GLRB: variants seen among roughly 807,000 people sequenced by gnomAD.
GLRB encodes the protein glycine receptor subunit beta.
In GLRB, 33 loss-of-function variants were observed where a neutral mutation model predicts 54.2. The observed-to-expected ratio is 0.61, with a 90% CI of 0.46 to 0.81. GLRB has a LOEUF of 0.81. Ranked by LOEUF, GLRB falls within the 40% of genes least tolerant of loss-of-function variation. GLRB has a pLI of 0.00. For synonymous variants in GLRB, 209 were observed against 208.2 expected (o/e 1.00, Z -0.03); for missense variants, 572 against 584.6 (o/e 0.98, Z 0.22).
Position 157,146,236 on chromosome 4 carries a change from C to T in GLRB, c.904+2277C>T, listed in dbSNP as rs569515658. 3.9e-5 allele frequency among the ~76,000 whole-genome samples: 6 copies of T among 151,984 alleles called. No homozygotes were observed. In the East Asian group the frequency reaches 7.8e-4, roughly 20 times the overall value. On this transcript the variant is annotated intron_variant, in intron 8 of 9. Transcript: ENST00000264428. ...TTCACCATGTCAGCCAGGCTGATAT[C>T]GAACTGCTGACCCCGTGATCTGCCC...
At chr4:157,143,468 T>C (rs1025942288) in intron 7 of GLRB, among the ~76,000 whole-genome samples, 2 of 152,026 alleles carry the variant, frequency 1.3e-5, no homozygotes, top group Non-Finnish European at 2.9e-5. Flanking sequence ...TTTAGATCAT[T>C]GCCCTGAGAG....
chr4:157,104,117 C>T (rs1399269841), intron 2 of GLRB, among the ~76,000 whole-genome samples: 1 of 151,968 alleles, frequency 6.6e-6, no homozygotes, highest in Non-Finnish European at 1.5e-5. Flanking sequence ...GAATGGGCAT[C>T]CTTGTCTTAT....
chr4:157,085,787 G>A (rs1734389342), intron 2 of GLRB, among the ~76,000 whole-genome samples: 1 of 151,454 alleles, frequency 6.6e-6, no homozygotes, highest in South Asian at 2.1e-4. Context: ...GTGAGCCACC[G>A]TGCCTGGCCT....
intron 2 of GLRB, among the ~76,000 whole-genome samples, chr4:157,088,509 T>G (rs1037983903): frequency 6.6e-6 from 1 of 152,132 alleles, no homozygotes; most frequent in African/African-American, 2.4e-5. Context: ...GGCTCTAAAT[T>G]TCTCTCTCCA....
At chr4:157,086,554 C>A (rs147927377) in intron 2 of GLRB, among the ~76,000 whole-genome samples, 1 of 151,962 alleles carries the variant, frequency 6.6e-6, no homozygotes, top group Non-Finnish European at 1.5e-5. Flanking sequence ...TTGTGTTGTT[C>A]GATTAATTCT....
At chr4:157,086,869 A>C (rs987911471) in intron 2 of GLRB, among the ~76,000 whole-genome samples, 2 of 152,172 alleles carry the variant, frequency 1.3e-5, no homozygotes, top group Non-Finnish European at 2.9e-5. Context: ...TCATGGGCCT[A>C]TGATTAAAAC....
At chr4:157,139,763 T>C (rs1425624551) in intron 7 of GLRB, among the ~76,000 whole-genome samples, 1 of 151,996 alleles carries the variant, frequency 6.6e-6, no homozygotes, top group Non-Finnish European at 1.5e-5. Flanking sequence ...CCTTTGGAAG[T>C]AAATCATAAC....
chr4:157,131,706 TC>T (rs1346859985), intron 4 of GLRB, among the ~76,000 whole-genome samples: 2 of 151,848 alleles, frequency 1.3e-5, no homozygotes, highest in African/African-American at 4.8e-5. Flanking sequence ...TTAGCTTCTT[TC>T]ACTTAATGAT....
chr4:157,144,909 A>T (rs886481572), intron 8 of GLRB, among the ~76,000 whole-genome samples: 2 of 152,174 alleles, frequency 1.3e-5, no homozygotes, highest in Non-Finnish European at 2.9e-5. Flanking sequence ...TTTTTTTTAC[A>T]TCTAATTGAA....
chr4:157,103,388 C>T (rs1207709243), intron 2 of GLRB, among the ~76,000 whole-genome samples: 2 of 152,102 alleles, frequency 1.3e-5, no homozygotes, highest in Non-Finnish European at 2.9e-5. Flanking sequence ...ATTGTGCTTA[C>T]CTTGAGGCCA....
chr4:157,147,091 C>G (rs1156655654), intron 8 of GLRB, among the ~76,000 whole-genome samples: 1 of 152,064 alleles, frequency 6.6e-6, no homozygotes, highest in Non-Finnish European at 1.5e-5. Context: ...GTGGAGATAT[C>G]AGATAGGCAG....
At chr4:157,085,949 T>C (rs1734395579) in intron 2 of GLRB, among the ~76,000 whole-genome samples, 1 of 152,126 alleles carries the variant, frequency 6.6e-6, no homozygotes. Flanking sequence ...TCTTATATTA[T>C]GTGTGTAGGT....
chr4:157,098,302 G>A (rs747646301), intron 2 of GLRB, among the ~76,000 whole-genome samples: 4 of 151,842 alleles, frequency 2.6e-5, no homozygotes, highest in African/African-American at 4.8e-5. Flanking sequence ...TATATTTATC[G>A]ATTTTACTGT....
intron 2 of GLRB, among the ~76,000 whole-genome samples, chr4:157,080,894 A>G (rs1734196651): frequency 6.6e-6 from 1 of 152,070 alleles, no homozygotes; most frequent in Non-Finnish European, 1.5e-5. Context: ...TTACTGTTAT[A>G]ACAACATTTC....
chr4:157,162,544 G>A (rs1737544130), intron 9 of GLRB, among the ~76,000 whole-genome samples: 1 of 152,134 alleles, frequency 6.6e-6, no homozygotes, highest in African/African-American at 2.4e-5. Context: ...CTGTTTGTTA[G>A]TTTTCCAACA....
At chr4:157,141,993 A>G (rs1736635223) in intron 7 of GLRB, among the ~76,000 whole-genome samples, 1 of 152,078 alleles carries the variant, frequency 6.6e-6, no homozygotes, top group Non-Finnish European at 1.5e-5. Flanking sequence ...AAAATATATA[A>G]TTTGTTGAGA....
intron 4 of GLRB, among the ~76,000 whole-genome samples, chr4:157,131,832 G>A (rs1338480344): frequency 3.3e-5 from 5 of 151,734 alleles, no homozygotes; most frequent in East Asian, 1.9e-4. Context: ...TTTATCTACC[G>A]AATGACATTT....
intron 2 of GLRB, among the ~76,000 whole-genome samples, chr4:157,116,954 GT>G (rs1204788035): frequency 1.3e-5 from 2 of 151,202 alleles, no homozygotes; most frequent in South Asian, 2.1e-4. Flanking sequence ...TCCCTGGGTT[GT>G]TTTTTTGTTG....
At chr4:157,100,711 A>T (rs534459915) in intron 2 of GLRB, among the ~76,000 whole-genome samples, 38 of 152,322 alleles carry the variant, frequency 2.5e-4, no homozygotes, top group Non-Finnish European at 4.4e-4. Context: ...GGCAAAGCAA[A>T]CAGAAACCAG....
Sources: allele counts gnomAD v4.1 joint callset (sites outside exome capture counted in the v4.1 genomes callset), GRCh38; gene constraint gnomAD v4.1.1; transcripts MANE v1.5; gene names NCBI Gene and HGNC (gene_info 2026-07-23, HGNC 2026-07-21).